The following ARFGEF2 variants were observed in gnomAD, a reference collection of about 807,000 sequenced individuals.
ARFGEF2 encodes brefeldin A-inhibited guanine nucleotide-exchange protein 2.
In ARFGEF2, 74 loss-of-function variants were observed where a neutral mutation model predicts 219.9. The observed-to-expected ratio is 0.34, with a 90% CI of 0.28 to 0.41. The LOEUF is 0.41. Among genes scored for constraint, ARFGEF2 ranks in the 10% least tolerant of loss-of-function variants. ARFGEF2 has a pLI of 1.00. For missense variants in ARFGEF2, 1,743 were observed against 2,218.3 expected, an observed-to-expected ratio of 0.79 and a Z score of 4.30; for synonymous variants, 733 against 799.2, an observed-to-expected ratio of 0.92 and a Z score of 1.40.
intron 12 of ARFGEF2, 152 bp downstream of exon 12, chr20:48,973,436 A>G (rs952386960): frequency 1.0e-5 from 9 of 865,058 alleles, no homozygotes; most frequent in Admixed American, 6.2e-5. Context: ...ATGAAACGAC[A>G]TTAAAGAAGT....
intron 9 of ARFGEF2, among the ~76,000 whole-genome samples, chr20:48,970,210 G>A (rs2123412328): frequency 6.6e-6 from 1 of 152,276 alleles, no homozygotes; most frequent in African/African-American, 2.4e-5. Context: ...AGCCACTCGG[G>A]AAGCTGAGGC....
chr20:48,966,989 G>T (rs993194396), intron 8 of ARFGEF2, among the ~76,000 whole-genome samples: 1 of 152,102 alleles, frequency 6.6e-6, no homozygotes, highest in Non-Finnish European at 1.5e-5. Context: ...TGGGACTACA[G>T]GCATGCACCA....
chr20:48,983,136 C>T (rs1052133250), intron 14 of ARFGEF2, among the ~76,000 whole-genome samples: 6 of 152,164 alleles, frequency 3.9e-5, no homozygotes, highest in Non-Finnish European at 5.9e-5. Flanking sequence ...GGGACGGAAT[C>T]TTACTTGTTT....
chr20:49,012,902 A>C (rs951047646), intron 28 of ARFGEF2, among the ~76,000 whole-genome samples: 2 of 152,210 alleles, frequency 1.3e-5, no homozygotes, highest in Non-Finnish European at 2.9e-5. Context: ...TTGCTAAAGA[A>C]ATTTCAGTAC....
At chr20:48,934,346 T>G (rs889681983) in intron 1 of ARFGEF2, among the ~76,000 whole-genome samples, 1 of 151,972 alleles carries the variant, frequency 6.6e-6, no homozygotes, top group Non-Finnish European at 1.5e-5. Flanking sequence ...AAAAAAAAAA[T>G]TATTACACTT....
At chr20:49,000,758 T>C (rs1205857692) in intron 25 of ARFGEF2, among the ~76,000 whole-genome samples, 2 of 152,248 alleles carry the variant, frequency 1.3e-5, no homozygotes, top group Non-Finnish European at 2.9e-5. Flanking sequence ...AATGACTAGC[T>C]AAAAGTGTTT....
intron 8 of ARFGEF2, among the ~76,000 whole-genome samples, chr20:48,967,956 A>T (rs1330505559): frequency 6.6e-6 from 1 of 152,126 alleles, no homozygotes; most frequent in Non-Finnish European, 1.5e-5. Context: ...GAACTTTTAT[A>T]TGTGGGGGAT....
intron 3 of ARFGEF2, among the ~76,000 whole-genome samples, chr20:48,943,282 C>G (rs896476508): frequency 2.0e-5 from 3 of 152,086 alleles, no homozygotes; most frequent in African/African-American, 7.2e-5. Context: ...AAGCCCCAGA[C>G]GTATTGATTT....
intron 18 of ARFGEF2, among the ~76,000 whole-genome samples, 162 bp from the exon 19 acceptor site, chr20:48,989,123 T>C (rs1431539062): frequency 5.3e-5 from 8 of 152,130 alleles, no homozygotes; most frequent in Admixed American, 5.2e-4. Flanking sequence ...CTCTGCCTCA[T>C]TTTTCCCATC....
chr20:48,949,070 A>T (rs915905462), intron 3 of ARFGEF2, among the ~76,000 whole-genome samples: 2 of 152,200 alleles, frequency 1.3e-5, no homozygotes, highest in Admixed American at 1.3e-4. Flanking sequence ...AACCAGAAAG[A>T]TCCACAGGAT....
intron 26 of ARFGEF2, among the ~76,000 whole-genome samples, chr20:49,006,502 C>A (rs1600538643): frequency 1.3e-5 from 2 of 152,140 alleles, no homozygotes; most frequent in South Asian, 2.1e-4. Flanking sequence ...TGGTAATGGG[C>A]TCTGAAGGAC....
At chr20:48,996,215 G>A (rs1162639818) in intron 23 of ARFGEF2, among the ~76,000 whole-genome samples, 1 of 151,850 alleles carries the variant, frequency 6.6e-6, no homozygotes, top group Non-Finnish European at 1.5e-5. Context: ...CAGCACTTTG[G>A]GAGGTCAAGG....
At chr20:48,966,131 T>C in intron 8 of ARFGEF2, 108 bp downstream of exon 8, 1 of 1,370,292 alleles carries the variant, frequency 7.3e-7, no homozygotes, top group Non-Finnish European at 1.0e-6. Context: ...CAAGCCCTGT[T>C]CCTTTATTAG....
chr20:48,949,661 A>G (rs1399495275), intron 3 of ARFGEF2, among the ~76,000 whole-genome samples: 1 of 151,990 alleles, frequency 6.6e-6, no homozygotes, highest in African/African-American at 2.4e-5. Context: ...GTGACACTTC[A>G]CTAGCTAAGG....
chr20:48,922,144 C>G, intron 1 of ARFGEF2, 134 bp downstream of exon 1: 2 of 1,363,968 alleles, frequency 1.5e-6, no homozygotes, highest in Non-Finnish European at 2.0e-6. Flanking sequence ...CGGCCTCCTC[C>G]TCATTATACC....
chr20:48,949,853 C>G lies in ARFGEF2; in HGVS notation c.277-1470C>G, dbSNP rs1489620066. On this transcript the variant is annotated intron_variant, in intron 3 of 38. Transcript: ENST00000371917. ...AGAACAGCAGTTTTAGGAGTCTTCA[C>G]CAAGTCACTGGAGGCAGAGAATGCC... is the stretch of plus-strand genomic sequence containing the variant. Among the ~76,000 whole-genome samples, 3 of 152,110 alleles carry G rather than the reference C, an allele frequency of 2.0e-5. No individual in the cohort carries two copies. In the South Asian group the frequency reaches 6.2e-4, roughly 32 times the overall value.
chr20:49,025,813 C>T (rs145341397), intron 36 of ARFGEF2, among the ~76,000 whole-genome samples: 180 of 151,936 alleles, frequency 1.2e-3, no homozygotes, highest in African/African-American at 4.2e-3. Context: ...GAAACCCCAT[C>T]TCTACTAAAA....
At chr20:48,935,935 GC>G (rs1245153981) in intron 1 of ARFGEF2, among the ~76,000 whole-genome samples, 2 of 130,156 alleles carry the variant, frequency 1.5e-5, no homozygotes, top group African/African-American at 3.3e-5. Context: ...GGGGCGGCTG[GC>G]CGGGGGGGGG....
intron 1 of ARFGEF2, among the ~76,000 whole-genome samples, chr20:48,938,657 A>T (rs1179208849): frequency 6.6e-6 from 1 of 152,342 alleles, no homozygotes; most frequent in East Asian, 1.9e-4. Flanking sequence ...CGAACACCAG[A>T]TCTTATTTTT....
Sources: allele counts gnomAD v4.1 joint callset (sites outside exome capture counted in the v4.1 genomes callset), GRCh38; gene constraint gnomAD v4.1.1; transcripts MANE v1.5; gene names NCBI Gene and HGNC (gene_info 2026-07-23, HGNC 2026-07-21).